The following BBS5 variants were observed in gnomAD, a reference collection of about 807,000 sequenced individuals.
BBS5 encodes the protein BBSome complex member BBS5.
Under a neutral mutation model 50.2 loss-of-function variants are expected in BBS5, and 39 were observed. The observed-to-expected ratio is 0.78, with a 90% CI of 0.60 to 1.01. The LOEUF (loss-of-function observed/expected upper bound fraction) is 1.01. Among genes scored for constraint, BBS5 ranks in the 50% least tolerant of loss-of-function variants. The pLI is 0.00. For synonymous variants in BBS5, 134 were observed against 133.1 expected (o/e 1.01, Z -0.05); for missense variants, 356 against 401.5 (o/e 0.89, Z 0.97).
At position 169,492,875 on chromosome 2, in the gene BBS5, G is replaced by A. The variant is rs751456378; in HGVS notation, c.388G>A (p.Ala130Thr). Residue 130 changes from alanine (A) to threonine (T), a missense_variant and splice_region_variant, in exon 6 of 12, where the codon GCT (alanine) becomes ACT (threonine). Physicochemically the swap from Ala to Thr is moderately conservative, Grantham distance 58. Transcript: ENST00000295240. ...LFTSVMAVHR[A>T]YETSKMYRDF... ...TCTTTTGTTTGTTCTTTTTCATAGA[G>A]CTTATGAAACTTCTAAAATGTATCG... 1 of 1,610,986 alleles carries A rather than the reference G, an allele frequency of 6.2e-7. No homozygotes were observed. The highest frequency in any genetic ancestry group is 8.5e-7 in the Non-Finnish European group (1 of 1,178,384).
intron 2 of BBS5, among the ~76,000 whole-genome samples, chr2:169,486,310 CTTA>C (rs1381962781): frequency 1.3e-5 from 2 of 152,118 alleles, no homozygotes; most frequent in Admixed American, 6.5e-5. Context: ...CAAAGTGAGT[CTTA>C]TTATTTCAGA....
intron 7 of BBS5, among the ~76,000 whole-genome samples, chr2:169,494,552 A>T (rs1190316168): frequency 4.0e-5 from 6 of 151,480 alleles, no homozygotes; most frequent in Admixed American, 1.3e-4. Flanking sequence ...CTCCTTCTCT[A>T]TTTAAAAAAA....
rs755663427 is a variant in BBS5, at chr2:169,482,372, A to G, written c.142+39A>G. 3.4e-5 allele frequency: 43 copies of G among 1,272,264 alleles called. No individual in the cohort carries two copies. In the Admixed American group the frequency reaches 7.2e-4, roughly 21 times the overall value. The allele number at this position is 1,272,264 out of a possible 1,614,324, so 78.8% of individuals were successfully genotyped here. A position where few individuals can be genotyped will look rare whatever the true frequency, so the allele number is the denominator to read the frequency against. ...TAAATGTATCTTATATTCCTGGTTT[A>G]ATTTACAAATGTTGAATCATATTAG... On this transcript the variant is annotated intron_variant, in intron 2 of 11. Coordinates refer to ENST00000295240, the MANE Select transcript of BBS5 (RefSeq NM_152384.3).
rs1346662420 is a variant in BBS5, at chr2:169,506,585, G to C, written c.*2003G>C. 1 of 151,972 alleles carries C rather than the reference G, an allele frequency of 6.6e-6. No individual in the cohort carries two copies. Among genetic ancestry groups the C allele is most frequent in the Non-Finnish European group, 1.5e-5 (1 of 68,110 alleles). The allele number at this position is 151,972 out of a possible 1,614,324, so 9.4% of individuals were successfully genotyped here. A position where few individuals can be genotyped will look rare whatever the true frequency, so the allele number is the denominator to read the frequency against. ...AATGTTTATTTTGTACTTAATACCT[G>C]TAAAGTCTTAGTTTTCAGACATTAA... On this transcript the variant is annotated 3_prime_UTR_variant, in exon 12 of 12. Coordinates refer to ENST00000295240, the MANE Select transcript of BBS5 (RefSeq NM_152384.3).
chr2:169,481,324 C>T (rs755780249), intron 1 of BBS5, among the ~76,000 whole-genome samples: 4 of 152,132 alleles, frequency 2.6e-5, no homozygotes, highest in Non-Finnish European at 5.9e-5. Flanking sequence ...TCAGGGTAGA[C>T]AGGAGGAGAG....
chr2:169,495,756 G>C (rs957327021), intron 7 of BBS5, among the ~76,000 whole-genome samples: 54 of 152,168 alleles, frequency 3.5e-4, no homozygotes, highest in African/African-American at 1.3e-3. Context: ...CCCAGGCTCA[G>C]GTGATCCTCT....
intron 5 of BBS5, among the ~76,000 whole-genome samples, chr2:169,489,122 G>A (rs2353189): frequency 0.41 from 61,508 of 151,784 alleles, 13,182 homozygotes; most frequent in Admixed American, 0.5. Context: ...CTCCTGAGTA[G>A]CTAGAACTAC....
Position 169,504,474 on chromosome 2 carries a change from C to T in BBS5, c.925-7C>T. 6.2e-7 allele frequency: 1 copy of T among 1,612,970 alleles called. No homozygotes were observed. Among genetic ancestry groups the T allele is most frequent in the African/African-American group, 1.3e-5 (1 of 74,958 alleles). On this transcript the variant is annotated splice_polypyrimidine_tract_variant and splice_region_variant and intron_variant, in intron 11 of 11. Coordinates refer to ENST00000295240, the MANE Select transcript of BBS5 (RefSeq NM_152384.3). ...ATTCCCATCTTATCCTCCTGTCTCC[C>T]AAAAAGCAACAAGATCGTGAACCTG...
Position 169,492,890 on chromosome 2 carries a change from A to G in BBS5, c.403A>G (p.Lys135Glu). The G allele has an allele frequency of 6.2e-7, 1 of 1,612,396 alleles. No individual in the cohort carries two copies. The highest frequency in any genetic ancestry group is 8.5e-7 in the Non-Finnish European group (1 of 1,179,046). ...MAVHRAYETS[K>E]MYRDFKLRSA... ...TTTTCATAGAGCTTATGAAACTTCT[A>G]AAATGTATCGTGATTTTAAATTAAG... Residue 135 changes from lysine to glutamate, a missense_variant, in exon 6 of 12, where the codon AAA (lysine) becomes GAA (glutamate). Transcript: ENST00000295240.
intron 1 of BBS5, among the ~76,000 whole-genome samples, chr2:169,480,027 A>G (rs972923405): frequency 6.6e-6 from 1 of 152,224 alleles, no homozygotes; most frequent in Admixed American, 6.5e-5. Flanking sequence ...GATGTGTAAT[A>G]TCGACCCACA....
At position 169,487,822 on chromosome 2, in the gene BBS5, C is replaced by T. The variant is rs1338148111; in HGVS notation, c.225C>T (p.Cys75=). 6.2e-7 allele frequency: 1 copy of T among 1,607,496 alleles called. No homozygotes were observed. Among genetic ancestry groups the T allele is most frequent in the Non-Finnish European group, 8.5e-7 (1 of 1,175,146 alleles). ...GGATTTTAGCTGTCGGTTACAATTGCATATTGAATATTACAACAAGGACTG... is the reference window on the plus strand; with the variant it reads ...GGATTTTAGCTGTCGGTTACAATTGTATATTGAATATTACAACAAGGACTG... ...SRVNVSVGYN[C]ILNITTRTAN... The change falls in exon 4 of 12, where the codon TGC becomes TGT. Residue 75 remains cysteine, a synonymous_variant. Transcript: ENST00000295240.
At position 169,499,636 on chromosome 2, in the gene BBS5, T is replaced by A; in HGVS notation, c.816+16T>A. ...GGAAGAAAAGGTAATTTGTTGAGTA[T>A]GTGAAATAAAGTTTGCATTGCTTTA... On this transcript the variant is annotated intron_variant, in intron 9 of 11. Transcript: ENST00000295240. The A allele has an allele frequency of 6.2e-7, 1 of 1,613,078 alleles. No individual in the cohort carries two copies. The highest frequency in any genetic ancestry group is 8.5e-7 in the Non-Finnish European group (1 of 1,179,214).
At chr2:169,503,265 TA>T in intron 10 of BBS5, 87 bp downstream of exon 10, 6 of 1,076,522 alleles carry the variant, frequency 5.6e-6, no homozygotes, top group Non-Finnish European at 8.4e-6. Context: ...TGAAACACCA[TA>T]TAACTTGAGA....
intron 10 of BBS5, 87 bp from the exon 11 acceptor site, chr2:169,504,216 C>A: frequency 8.8e-7 from 1 of 1,141,846 alleles, no homozygotes. Context: ...GTTATAAAAT[C>A]ATTCTGCATA....
At chr2:169,504,036 TTC>T (rs1683857100) in intron 10 of BBS5, among the ~76,000 whole-genome samples, 1 of 152,334 alleles carries the variant, frequency 6.6e-6, no homozygotes, top group East Asian at 1.9e-4. Context: ...GATTAAGTCA[TTC>T]TTTTTTATCT....
At chr2:169,483,844 T>C (rs887525030) in intron 2 of BBS5, among the ~76,000 whole-genome samples, 3 of 152,092 alleles carry the variant, frequency 2.0e-5, no homozygotes, top group African/African-American at 2.4e-5. Context: ...AAACGAAAAG[T>C]CTTAGTTTGT....
intron 5 of BBS5, among the ~76,000 whole-genome samples, chr2:169,488,702 GGAA>G (rs1157294345): frequency 6.6e-6 from 1 of 152,142 alleles, no homozygotes. Context: ...GTAAATATCA[GGAA>G]GATGTTGAGA....
At chr2:169,496,621 G>A in intron 7 of BBS5, among the ~76,000 whole-genome samples, 1 of 152,144 alleles carries the variant, frequency 6.6e-6, no homozygotes, top group Admixed American at 6.5e-5. Context: ...TGTAATCCCA[G>A]CACTTTGGGA....
intron 5 of BBS5, 93 bp from the exon 6 acceptor site, chr2:169,492,780 TA>T (rs2105297671): frequency 6.4e-6 from 7 of 1,097,782 alleles, no homozygotes; most frequent in Non-Finnish European, 9.3e-6. Flanking sequence ...GTAATGTTCA[TA>T]AATACTAACA....
Sources: gnomAD v4.1 joint callset for allele counts (sites outside exome capture counted in the v4.1 genomes callset) on GRCh38, gnomAD v4.1.1 for gene constraint, MANE v1.5 for transcripts, NCBI Gene and HGNC (gene_info 2026-07-23, HGNC 2026-07-21) for gene names.